The following ZNF385D variants were observed in gnomAD, a reference collection of about 807,000 sequenced individuals.
ZNF385D encodes zinc finger protein 659.
In ZNF385D, 15 loss-of-function variants were observed where a neutral mutation model predicts 35.8. The observed-to-expected ratio is 0.42, with a 90% CI of 0.28 to 0.64. The LOEUF (loss-of-function observed/expected upper bound fraction) is 0.64, where lower values mean the gene tolerates loss of function less well. ZNF385D is among the 30% of genes least tolerant of loss of function. The probability of loss-of-function intolerance (pLI) is 0.23; values close to 1 mark genes in which losing one functional copy is unlikely to be tolerated. For missense variants in ZNF385D, 474 were observed against 494.6 expected (o/e 0.96, Z 0.39); for synonymous variants, 212 against 186.8 (o/e 1.13, Z -1.10).
intron 2 of ZNF385D, among the ~76,000 whole-genome samples, chr3:22,279,818 G>A (rs1203203521): frequency 6.6e-6 from 1 of 151,780 alleles, no homozygotes; most frequent in African/African-American, 2.4e-5. Context: ...GGGATTGCTG[G>A]ATCAAATGGC....
At chr3:21,970,617 G>T (rs1703188327) in intron 3 of ZNF385D, among the ~76,000 whole-genome samples, 1 of 151,950 alleles carries the variant, frequency 6.6e-6, no homozygotes. Flanking sequence ...TAGAGAGAGA[G>T]AGAGAGAGAA....
intron 3 of ZNF385D, among the ~76,000 whole-genome samples, chr3:22,166,200 T>G (rs1706317534): frequency 6.6e-6 from 1 of 152,154 alleles, no homozygotes; most frequent in Non-Finnish European, 1.5e-5. Flanking sequence ...TTACTAATAT[T>G]AGTAATGAGA....
At chr3:21,609,097 G>C (rs1575312532) in intron 2 of ZNF385D, among the ~76,000 whole-genome samples, 1 of 152,172 alleles carries the variant, frequency 6.6e-6, no homozygotes, top group Admixed American at 6.5e-5. Flanking sequence ...AAATAGAATT[G>C]TGCTAAATAA....
intron 1 of ZNF385D, among the ~76,000 whole-genome samples, chr3:21,708,136 A>T (rs1235505817): frequency 6.6e-6 from 1 of 152,232 alleles, no homozygotes; most frequent in Non-Finnish European, 1.5e-5. Context: ...TAGGTCAAAG[A>T]TCCTAAGCAT....
chr3:22,260,800 G>A (rs1057190550), intron 2 of ZNF385D, among the ~76,000 whole-genome samples: 1 of 151,918 alleles, frequency 6.6e-6, no homozygotes, highest in South Asian at 2.1e-4. Flanking sequence ...TGATATTCCT[G>A]TAACTATTTA....
chr3:21,807,548 T>A (rs1176569344), intron 3 of ZNF385D, among the ~76,000 whole-genome samples: 1 of 152,164 alleles, frequency 6.6e-6, no homozygotes, highest in Admixed American at 6.5e-5. Flanking sequence ...TTCAGCTTAT[T>A]AAAAATATTG....
chr3:22,056,597 C>G (rs1699414378), intron 3 of ZNF385D, among the ~76,000 whole-genome samples: 3 of 152,204 alleles, frequency 2.0e-5, no homozygotes, highest in African/African-American at 7.2e-5. Context: ...AACAATAAAA[C>G]AAAAAGAACT....
At chr3:21,798,352 G>C (rs1559632134) in intron 3 of ZNF385D, among the ~76,000 whole-genome samples, 1 of 152,170 alleles carries the variant, frequency 6.6e-6, no homozygotes. Context: ...ACTGGTTTTA[G>C]CATCATTCAA....
chr3:22,167,485 G>A (rs542875871), intron 3 of ZNF385D, among the ~76,000 whole-genome samples: 5 of 152,214 alleles, frequency 3.3e-5, no homozygotes, highest in East Asian at 1.9e-4. Flanking sequence ...CTCACTCTTC[G>A]TTTGTCAGCA....
chr3:22,048,491 T>C (rs1223366164), intron 3 of ZNF385D, among the ~76,000 whole-genome samples: 4 of 152,208 alleles, frequency 2.6e-5, no homozygotes, highest in African/African-American at 7.2e-5. Context: ...GCCCGATTTG[T>C]TGAAGGGACT....
intron 2 of ZNF385D, among the ~76,000 whole-genome samples, chr3:22,268,196 A>G (rs7622018): frequency 1.6e-3 from 250 of 152,072 alleles, no homozygotes; most frequent in African/African-American, 4.7e-3. Flanking sequence ...GCTGTCCAAC[A>G]TAAGTGTCAC....
At chr3:22,155,347 C>A (rs922176867) in intron 3 of ZNF385D, among the ~76,000 whole-genome samples, 2 of 151,866 alleles carry the variant, frequency 1.3e-5, no homozygotes, top group Non-Finnish European at 2.9e-5. Flanking sequence ...AAAATAGTCC[C>A]TGATGCTTGT....
intron 2 of ZNF385D, among the ~76,000 whole-genome samples, chr3:22,367,162 T>C (rs914334011): frequency 1.3e-5 from 2 of 152,322 alleles, no homozygotes; most frequent in African/African-American, 4.8e-5. Context: ...CCTTACTAGG[T>C]ACTAGACTAT....
At chr3:21,680,615 A>C (rs2066868795) in intron 1 of ZNF385D, among the ~76,000 whole-genome samples, 1 of 152,160 alleles carries the variant, frequency 6.6e-6, no homozygotes, top group Non-Finnish European at 1.5e-5. Flanking sequence ...AAAAGGTAAT[A>C]TGCTCTACTA....
chr3:22,070,906 T>A (rs1031544004), intron 3 of ZNF385D, among the ~76,000 whole-genome samples: 1 of 152,174 alleles, frequency 6.6e-6, no homozygotes, highest in Non-Finnish European at 1.5e-5. Context: ...ACTTACTACA[T>A]TGAAATATTT....
chr3:21,449,277 A>T (rs1015938099), intron 4 of ZNF385D, among the ~76,000 whole-genome samples: 166 of 125,672 alleles, frequency 1.3e-3, no homozygotes, highest in Non-Finnish European at 2.3e-3. Flanking sequence ...TTTTATAGCT[A>T]CAAAAAAAAA....
chr3:21,806,514 C>G (rs1055807804), intron 3 of ZNF385D, among the ~76,000 whole-genome samples: 2 of 151,844 alleles, frequency 1.3e-5, no homozygotes, highest in East Asian at 3.9e-4. Context: ...CAATAGAGCT[C>G]GTTTTATAGT....
chr3:21,532,866 G>A (rs138721146), intron 3 of ZNF385D, among the ~76,000 whole-genome samples: 152 of 152,160 alleles, frequency 1.0e-3, no homozygotes, highest in African/African-American at 3.6e-3. Flanking sequence ...GTAAATCAAA[G>A]CATTTTACAA....
At chr3:21,797,781 T>C (rs1024748239) in intron 3 of ZNF385D, among the ~76,000 whole-genome samples, 1 of 151,964 alleles carries the variant, frequency 6.6e-6, no homozygotes, top group Non-Finnish European at 1.5e-5. Flanking sequence ...TTCAACTATA[T>C]GACAAAATGG....
Sources: gnomAD v4.1 joint callset for allele counts (sites outside exome capture counted in the v4.1 genomes callset) on GRCh38, gnomAD v4.1.1 for gene constraint, MANE v1.5 for transcripts, NCBI Gene and HGNC (gene_info 2026-07-23, HGNC 2026-07-21) for gene names.